Variants in MYO5C observed in about 807,000 individuals in gnomAD.
MYO5C encodes myosin VC, also known as unconventional myosin-Vc.
In MYO5C, 194 loss-of-function variants were observed where a neutral mutation model predicts 235.7. The observed-to-expected ratio is 0.82, with a 90% CI of 0.73 to 0.93. The LOEUF (loss-of-function observed/expected upper bound fraction) is 0.93, where lower values mean the gene tolerates loss of function less well. Ranked by LOEUF, MYO5C falls within the 40% of genes least tolerant of loss-of-function variation. MYO5C has a pLI of 0.00. For synonymous variants in MYO5C, 707 were observed against 754.8 expected (o/e 0.94, Z 1.04); for missense variants, 2,038 against 2,127.2 (o/e 0.96, Z 0.82).
chr15:52,240,754 TG>T (rs774966178), intron 20 of MYO5C, among the ~76,000 whole-genome samples: 3 of 151,730 alleles, frequency 2.0e-5, no homozygotes, highest in East Asian at 1.9e-4. Context: ...ATAAATAAAA[TG>T]TTTTAAAAGG....
intron 8 of MYO5C, among the ~76,000 whole-genome samples, chr15:52,266,660 C>T (rs1226270559): frequency 6.6e-6 from 1 of 152,184 alleles, no homozygotes; most frequent in Non-Finnish European, 1.5e-5. Flanking sequence ...GGTTAGGGAA[C>T]TCACCCGAGG....
At position 52,235,759 on chromosome 15, in the gene MYO5C, A is replaced by G. The variant is rs1246049177; in HGVS notation, c.2873T>C (p.Leu958Ser). 1 of 1,605,874 alleles carries G rather than the reference A, an allele frequency of 6.2e-7. No individual in the cohort carries two copies. Among genetic ancestry groups the G allele is most frequent in the Non-Finnish European group, 8.5e-7 (1 of 1,175,628 alleles). ...TGAATTATGCTTCTGAAGCTTTGCC[A>G]ATTTCTAGCAGAGGGAAGGGGGAAA... ...KRYRDAVEEK[L>S]AKLQKHNSEL... Residue 958 changes from leucine to serine, a missense_variant, in exon 23 of 41, where the codon TTG becomes TCG. By Grantham distance (145) the Leu-to-Ser change is moderately radical (BLOSUM62 -2). Transcript: ENST00000261839.
At chr15:52,285,723 G>A (rs539560995) in intron 1 of MYO5C, among the ~76,000 whole-genome samples, 24 of 152,346 alleles carry the variant, frequency 1.6e-4, no homozygotes, top group African/African-American at 4.8e-4. Context: ...CGCCAGCCTC[G>A]GCTTCCCGAG....
At position 52,224,890 on chromosome 15, in the gene MYO5C, G is replaced by T; in HGVS notation, c.3446+11C>A. On this transcript the variant is annotated intron_variant, in intron 28 of 40. Transcript: ENST00000261839. Reference sequence around the variant, plus strand: ...GAAAAATAAAGAAGATCCCTGAGGAGAATTTCTAACCGTGTTGCTTTCTTT... The same window carrying T: ...GAAAAATAAAGAAGATCCCTGAGGATAATTTCTAACCGTGTTGCTTTCTTT... 6.2e-7 allele frequency: 1 copy of T among 1,606,178 alleles called. No individual in the cohort carries two copies. Among genetic ancestry groups the T allele is most frequent in the African/African-American group, 1.3e-5 (1 of 74,542 alleles).
intron 11 of MYO5C, among the ~76,000 whole-genome samples, chr15:52,254,288 G>C (rs944631686): frequency 6.6e-6 from 1 of 152,166 alleles, no homozygotes; most frequent in African/African-American, 2.4e-5. Context: ...AAGAACCGGA[G>C]GCAGTGAGAC....
rs1227371605 is a variant in MYO5C, at chr15:52,204,801, C to T, written c.4820+64G>A. The T allele has an allele frequency of 5.1e-6, 8 of 1,563,044 alleles. No individual in the cohort carries two copies. The Admixed American group carries it at 1.4e-4, about 28-fold the overall frequency. On this transcript the variant is annotated intron_variant, in intron 38 of 40. Transcript: ENST00000261839. ...GCAGGGAGGGTCAGGCGCGTGGGGC[C>T]TCGGACTTCAAGAGCATCCTTTCTG...
At chr15:52,213,405 G>A in intron 33 of MYO5C, 119 bp from the exon 34 acceptor site, 2 of 693,198 alleles carry the variant, frequency 2.9e-6, no homozygotes, top group South Asian at 3.2e-5. Flanking sequence ...GTGGCTTTCA[G>A]ATACATTAAA....
intron 11 of MYO5C, 48 bp downstream of exon 11, chr15:52,256,575 ACACACACACACACGCG>A (rs1414450074): frequency 5.3e-5 from 47 of 893,944 alleles, no homozygotes; most frequent in Admixed American, 8.0e-5. Flanking sequence ...ACACACACAC[ACACACACACACACGCG>A]CGCGCGCGCG....
In MYO5C at chr15:52,225,451, G is replaced by A. The variant is rs150088325; in HGVS notation, c.3289C>T (p.Arg1097Trp). ...ATATTTTTATTACCTCTCATTTCCC[G>A]TTTTTGTGACTGCACATGTTTCTCC... ...DVEKHVQSQKREMREKMSEIT... is the reference protein window; with the variant it reads ...DVEKHVQSQKWEMREKMSEIT... The change falls in exon 26 of 41, where the codon CGG becomes TGG. Residue 1097 changes from arginine (R) to tryptophan (W), a missense_variant. By Grantham distance (101) the Arg-to-Trp change is moderately radical (BLOSUM62 -3). Coordinates refer to ENST00000261839, the MANE Select transcript of MYO5C (RefSeq NM_018728.4). The A allele has an allele frequency of 1.8e-4, 297 of 1,612,756 alleles. No homozygotes were observed. In the African/African-American group the frequency reaches 2.9e-3, roughly 16 times the overall value.
chr15:52,214,535 G>T, intron 33 of MYO5C, 68 bp downstream of exon 33: 1 of 1,176,944 alleles, frequency 8.5e-7, no homozygotes, highest in Non-Finnish European at 1.2e-6. Flanking sequence ...GGACCAGAAA[G>T]AAAATAAACA....
intron 20 of MYO5C, 36 bp from the exon 21 acceptor site, chr15:52,239,915 C>A (rs1201025078): frequency 1.3e-6 from 2 of 1,581,686 alleles, no homozygotes; most frequent in Admixed American, 1.8e-5. Context: ...TAAACTGGAT[C>A]CCAAGTGCTT....
Position 52,235,657 on chromosome 15 carries a change from C to A in MYO5C, c.2962+13G>T, listed in dbSNP as rs1164023387. 1 of 1,595,296 alleles carries A rather than the reference C, an allele frequency of 6.3e-7. No homozygotes were observed. The highest frequency in any genetic ancestry group is 8.6e-7 in the Non-Finnish European group (1 of 1,167,804). On this transcript the variant is annotated intron_variant, in intron 23 of 40. Transcript: ENST00000261839. The stretch of plus-strand genomic sequence containing the variant: ...ATCAGTGAATGTCTGGATTTGTGCC[C>A]CCCAAGCTTTACCTTTTAACTCTTC...
rs1393129979 is a variant in MYO5C, at chr15:52,204,905, G to A, written c.4780C>T (p.Arg1594Cys). ...GAVTLNSLFLRKDMCSCRKGM... is the reference protein window; with the variant it reads ...GAVTLNSLFLCKDMCSCRKGM... ...TTTCTGCAGGAGCACATGTCCTTGC[G>A]CAGGAAGAGGCTGTTCAGCGTGACC... is the stretch of plus-strand genomic sequence containing the variant. The change falls in exon 38 of 41, where the codon CGC becomes TGC. Residue 1594 changes from arginine to cysteine, a missense_variant. By Grantham distance (180) the Arg-to-Cys change is radical (BLOSUM62 -3). Transcript: ENST00000261839. 7 of 1,614,078 alleles carry A rather than the reference G, an allele frequency of 4.3e-6. No individual in the cohort carries two copies. The South Asian group carries it at 4.4e-5, about 10-fold the overall frequency.
intron 13 of MYO5C, among the ~76,000 whole-genome samples, chr15:52,250,826 T>C (rs1295572729): frequency 1.3e-5 from 2 of 152,242 alleles, no homozygotes; most frequent in African/African-American, 4.8e-5. Flanking sequence ...CAGGTGGTTA[T>C]GGCAATTTTT....
In MYO5C at chr15:52,220,005, A is replaced by G. The variant is rs184973972; in HGVS notation, c.3722-183T>C. Reference sequence around the variant, plus strand: ...CATATAAAATACACTAACACTAACAATAGCTGATGAGCTGAAAAACAAAAC... The same window carrying G: ...CATATAAAATACACTAACACTAACAGTAGCTGATGAGCTGAAAAACAAAAC... On this transcript the variant is annotated intron_variant, in intron 30 of 40. Coordinates refer to ENST00000261839, the MANE Select transcript of MYO5C (RefSeq NM_018728.4). 4.4e-3 allele frequency among the ~76,000 whole-genome samples: 672 copies of G among 152,320 alleles called. 5 individuals carry two copies. The highest frequency in any genetic ancestry group is 5.7e-3 in the Non-Finnish European group (388 of 68,034).
rs143380676 is a variant in MYO5C, at chr15:52,245,248, TG to T, written c.2178+105del. 3.0e-3 allele frequency: 2,467 copies of T among 819,162 alleles called. 37 individuals are homozygous for T. The African/African-American group carries it at 0.037, about 12-fold the overall frequency. The allele number at this position is 819,162 out of a possible 1,614,324, so 50.7% of individuals were successfully genotyped here. ...AGGGCACATTTTCTTTCCTTTCAGG[TG>T]TTCATGATTACAGTCCTGAGCATTC... is the stretch of plus-strand genomic sequence containing the variant. On this transcript the variant is annotated intron_variant, in intron 18 of 40. Coordinates refer to ENST00000261839, the MANE Select transcript of MYO5C (RefSeq NM_018728.4).
chr15:52,232,643 T>C lies in MYO5C; in HGVS notation c.3005A>G (p.Gln1002Arg). ...ATACATTCTTTGCCGTTCTTCCTTT[T>C]GTACATCATCAAAGAGCTGCTTGGT... ...NLTKQLFDDV[Q>R]KEERQRMLLE... Residue 1002 changes from glutamine (Q) to arginine (R), a missense_variant, in exon 24 of 41, where the codon CAA becomes CGA. By Grantham distance (43) the Gln-to-Arg change is conservative (BLOSUM62 1). Transcript: ENST00000261839. 6.2e-7 allele frequency: 1 copy of C among 1,613,990 alleles called. No individual in the cohort carries two copies. Among genetic ancestry groups the C allele is most frequent in the Non-Finnish European group, 8.5e-7 (1 of 1,179,998 alleles).
chr15:52,229,327 G>C lies in MYO5C; in HGVS notation c.3027-14C>G. ...TTTTCAAGAAGCCTACGCAGCAAAA[G>C]AAGAAAATAATTTAGAGCTGAGCAT... On this transcript the variant is annotated splice_polypyrimidine_tract_variant and intron_variant, in intron 24 of 40. Coordinates refer to ENST00000261839, the MANE Select transcript of MYO5C (RefSeq NM_018728.4). The C allele has an allele frequency of 1.2e-6, 2 of 1,607,778 alleles. No homozygotes were observed. The highest frequency in any genetic ancestry group is 2.2e-5 in the South Asian group (2 of 90,712).
At chr15:52,260,330 G>C (rs900086745) in intron 10 of MYO5C, among the ~76,000 whole-genome samples, 9 of 152,186 alleles carry the variant, frequency 5.9e-5, no homozygotes, top group African/African-American at 1.9e-4. Context: ...CAGAGACCTG[G>C]GTTCAGTCCA....
Sources: allele counts gnomAD v4.1 joint callset (sites outside exome capture counted in the v4.1 genomes callset), GRCh38; gene constraint gnomAD v4.1.1; transcripts MANE v1.5; gene names NCBI Gene and HGNC (gene_info 2026-07-23, HGNC 2026-07-21).